Variants in PTPN12 observed in about 807,000 individuals in gnomAD.
PTPN12 encodes the protein protein tyrosine phosphatase non-receptor type 12, also known as tyrosine-protein phosphatase non-receptor type 12.
In PTPN12, 29 loss-of-function variants were observed where a neutral mutation model predicts 97.6. That is an observed-to-expected ratio of 0.30 (90% confidence interval 0.22 to 0.41). PTPN12 has a LOEUF of 0.41. Among genes scored for constraint, PTPN12 ranks in the 10% least tolerant of loss-of-function variants. The pLI is 1.00. For synonymous variants in PTPN12, 327 were observed against 300.4 expected (o/e 1.09, Z -0.91); for missense variants, 819 against 926.0 (o/e 0.88, Z 1.50).
Position 77,635,845 on chromosome 7 carries a change from C to T in PTPN12, c.2138C>T (p.Ser713Phe). The T allele has an allele frequency of 6.2e-7, 1 of 1,601,508 alleles. No homozygotes were observed. The highest frequency in any genetic ancestry group is 8.5e-7 in the Non-Finnish European group (1 of 1,173,082). The change falls in exon 15 of 18, where the codon TCT becomes TTT. Residue 713 changes from serine (S) to phenylalanine (F), a missense_variant. Ser to Phe is a radical substitution (Grantham distance 155). Coordinates refer to ENST00000248594, the MANE Select transcript of PTPN12 (RefSeq NM_002835.4). Reference protein sequence around the residue: ...QSQERSEQKKSEGLITSENEK... With the variant: ...QSQERSEQKKFEGLITSENEK... ...CAGGAACGATCTGAACAAAAAAAGT[C>T]TGAAGTAAGTCCTTTTGGAATTGGA... is the stretch of plus-strand genomic sequence containing the variant.
Position 77,540,242 on chromosome 7 carries a change from TC to T in PTPN12, c.99+2598del, listed in dbSNP as rs201201729. On this transcript the variant is annotated intron_variant, in intron 1 of 17. Transcript: ENST00000248594. ...TCATTTCTTTCTTTCTTTCTTTCTTTCTTTTTTTTTTGAGATGTAACACCTC... is the reference window on the plus strand; with the variant it reads ...TCATTTCTTTCTTTCTTTCTTTCTTTTTTTTTTTTTGAGATGTAACACCTC... 5.3e-4 allele frequency among the ~76,000 whole-genome samples: 79 copies of T among 148,738 alleles called. 1 individual carries two copies. Among genetic ancestry groups the T allele is most frequent in the African/African-American group, 7.9e-4 (32 of 40,440 alleles).
At chr7:77,622,686 G>A (rs1423620485) in intron 12 of PTPN12, among the ~76,000 whole-genome samples, 1 of 151,828 alleles carries the variant, frequency 6.6e-6, no homozygotes, top group East Asian at 1.9e-4. Context: ...CAGGAGAATC[G>A]CTTGAACCCG....
chr7:77,573,725 G>T (rs867353906), intron 2 of PTPN12, among the ~76,000 whole-genome samples: 1 of 152,060 alleles, frequency 6.6e-6, no homozygotes, highest in Non-Finnish European at 1.5e-5. Context: ...TTTTTCTGTC[G>T]TCTAGCCGTA....
At chr7:77,635,501 A>G (rs576753213) in intron 14 of PTPN12, among the ~76,000 whole-genome samples, 1 of 152,360 alleles carries the variant, frequency 6.6e-6, no homozygotes, top group Admixed American at 6.5e-5. Context: ...ATTAAGCAGT[A>G]TACTTCACTT....
intron 1 of PTPN12, among the ~76,000 whole-genome samples, chr7:77,561,762 AATT>A (rs773559360): frequency 1.4e-4 from 2 of 14,690 alleles, no homozygotes; most frequent in Non-Finnish European, 1.9e-4. Context: ...GTATGTTTTT[AATT>A]AATTAATTAA....
chr7:77,617,941 A>G (rs1263507682), intron 11 of PTPN12, among the ~76,000 whole-genome samples: 1 of 152,170 alleles, frequency 6.6e-6, no homozygotes, highest in Non-Finnish European at 1.5e-5. Context: ...TATAGGAGCT[A>G]TATTCCCTAA....
chr7:77,556,978 G>GT (rs373497246), intron 1 of PTPN12, among the ~76,000 whole-genome samples: 35 of 148,724 alleles, frequency 2.4e-4, no homozygotes, highest in South Asian at 4.3e-4. Flanking sequence ...GTTTTTGTTT[G>GT]TTTTTTTTTT....
chr7:77,611,326 A>C (rs1263223717), intron 11 of PTPN12, among the ~76,000 whole-genome samples: 4 of 152,244 alleles, frequency 2.6e-5, no homozygotes, highest in African/African-American at 9.6e-5. Context: ...TTTTTTAAAA[A>C]ATAATTGCAT....
intron 1 of PTPN12, among the ~76,000 whole-genome samples, chr7:77,560,753 T>C (rs55708205): frequency 0.26 from 40,234 of 152,104 alleles, 5,411 homozygotes; most frequent in Non-Finnish European, 0.28. Flanking sequence ...GGTTGAAAAA[T>C]ACTGCATTGT....
intron 11 of PTPN12, among the ~76,000 whole-genome samples, chr7:77,617,070 A>G (rs1469137852): frequency 1.3e-5 from 2 of 152,200 alleles, no homozygotes; most frequent in Middle Eastern, 3.2e-3. Flanking sequence ...GGTGTGAGCC[A>G]CTGCGCCCAG....
intron 14 of PTPN12, 130 bp from the exon 15 acceptor site, chr7:77,635,652 C>T (rs1174837398): frequency 5.9e-6 from 3 of 506,970 alleles, no homozygotes; most frequent in Admixed American, 4.1e-5. Flanking sequence ...TATGCTTACC[C>T]AGAAACTACA....
chr7:77,620,513 A>G (rs962299200), intron 12 of PTPN12, among the ~76,000 whole-genome samples: 3 of 152,242 alleles, frequency 2.0e-5, no homozygotes, highest in African/African-American at 7.2e-5. Context: ...GTGACTTCTA[A>G]GTTGGGATGA....
intron 14 of PTPN12, among the ~76,000 whole-genome samples, chr7:77,634,214 A>G (rs1430333676): frequency 6.6e-6 from 1 of 151,868 alleles, no homozygotes; most frequent in Non-Finnish European, 1.5e-5. Flanking sequence ...AAAAAAAAAG[A>G]CCACTGGAGT....
intron 4 of PTPN12, among the ~76,000 whole-genome samples, chr7:77,584,173 G>A (rs776962905): frequency 3.9e-5 from 6 of 152,154 alleles, no homozygotes; most frequent in Non-Finnish European, 8.8e-5. Context: ...ACCCTATACT[G>A]CTCTGTAGTA....
intron 2 of PTPN12, among the ~76,000 whole-genome samples, chr7:77,577,989 T>G (rs1353615290): frequency 6.6e-6 from 1 of 152,148 alleles, no homozygotes; most frequent in African/African-American, 2.4e-5. Context: ...TCTATTTTGG[T>G]GTATGCTTAA....
chr7:77,556,455 T>G (rs1466985774), intron 1 of PTPN12, among the ~76,000 whole-genome samples: 1 of 152,184 alleles, frequency 6.6e-6, no homozygotes, highest in African/African-American at 2.4e-5. Flanking sequence ...GACCTGTAGT[T>G]GGGTATTTCC....
intron 1 of PTPN12, among the ~76,000 whole-genome samples, chr7:77,562,449 A>G (rs1808045885): frequency 6.6e-6 from 1 of 152,206 alleles, no homozygotes; most frequent in African/African-American, 2.4e-5. Context: ...GTGTGCCCCT[A>G]TGAAGACTAA....
intron 1 of PTPN12, among the ~76,000 whole-genome samples, chr7:77,558,714 C>CA: frequency 6.6e-6 from 1 of 152,296 alleles, no homozygotes; most frequent in Non-Finnish European, 1.5e-5. Context: ...TCACTGTGCC[C>CA]AAACTGTACA....
chr7:77,619,305 C>G (rs1282943532), intron 12 of PTPN12, among the ~76,000 whole-genome samples: 1 of 152,152 alleles, frequency 6.6e-6, no homozygotes, highest in Non-Finnish European at 1.5e-5. Context: ...ACAGGATACA[C>G]CAATTGTTTC....
Sources: gnomAD v4.1 joint callset for allele counts (sites outside exome capture counted in the v4.1 genomes callset) on GRCh38, gnomAD v4.1.1 for gene constraint, MANE v1.5 for transcripts, NCBI Gene and HGNC (gene_info 2026-07-23, HGNC 2026-07-21) for gene names.